PCDHAC1: variants seen among roughly 807,000 people sequenced by gnomAD.
The protein encoded by PCDHAC1 is protocadherin alpha subfamily C, 1.
Under a neutral mutation model 60.0 loss-of-function variants are expected in PCDHAC1, and 42 were observed. The observed-to-expected ratio is 0.70, with a 90% confidence interval of 0.55 to 0.90. The LOEUF (loss-of-function observed/expected upper bound fraction) is 0.90. PCDHAC1 is among the 40% of genes least tolerant of loss of function. PCDHAC1 has a pLI of 0.00. For missense variants in PCDHAC1, 1,160 were observed against 1,222.3 expected (o/e 0.95, Z 0.76); for synonymous variants, 468 against 499.3 (o/e 0.94, Z 0.84).
At chr5:140,943,624 G>C (rs2093534515) in intron 1 of PCDHAC1, among the ~76,000 whole-genome samples, 2 of 152,106 alleles carry the variant, frequency 1.3e-5, no homozygotes, top group African/African-American at 4.8e-5. Context: ...ATCTGCATAA[G>C]GAAGCTGGAT....
intron 1 of PCDHAC1, among the ~76,000 whole-genome samples, chr5:140,961,052 G>A (rs942442138): frequency 7.9e-5 from 12 of 152,272 alleles, no homozygotes; most frequent in African/African-American, 2.9e-4. Flanking sequence ...TTAACAAAAT[G>A]TTGAATGGGA....
chr5:140,961,222 T>C (rs1335870319), intron 1 of PCDHAC1, among the ~76,000 whole-genome samples: 1 of 152,118 alleles, frequency 6.6e-6, no homozygotes, highest in East Asian at 1.9e-4. Flanking sequence ...AGAAACTGGG[T>C]CCCAAAAAGG....
At chr5:140,967,464 G>T (rs781900904) in intron 1 of PCDHAC1, 1 of 1,613,504 alleles carries the variant, frequency 6.2e-7, no homozygotes, top group Non-Finnish European at 8.5e-7. Context: ...GTGGATGGGG[G>T]CATCCCAGCC....
chr5:141,000,395 C>CTCTATA (rs1213762225), intron 3 of PCDHAC1, among the ~76,000 whole-genome samples: 3 of 53,980 alleles, frequency 5.6e-5, no homozygotes, highest in East Asian at 6.1e-4. Flanking sequence ...CTCTCTCTCT[C>CTCTATA]TATATATATA....
chr5:140,977,247 A>G (rs528974727), intron 1 of PCDHAC1, among the ~76,000 whole-genome samples: 1 of 152,336 alleles, frequency 6.6e-6, no homozygotes, highest in African/African-American at 2.4e-5. Context: ...AATTGGCAAC[A>G]TTTCTCAGCA....
At chr5:140,983,461 A>G (rs1291305158) in intron 3 of PCDHAC1, among the ~76,000 whole-genome samples, 1 of 152,238 alleles carries the variant, frequency 6.6e-6, no homozygotes, top group Non-Finnish European at 1.5e-5. Flanking sequence ...TTAATAGAAC[A>G]TCATGATGAT....
intron 1 of PCDHAC1, among the ~76,000 whole-genome samples, chr5:140,953,598 T>C (rs1189793307): frequency 2.6e-5 from 4 of 152,188 alleles, no homozygotes; most frequent in South Asian, 2.1e-4. Context: ...CTTTTGTTTA[T>C]TCCCCAGAGT....
Position 140,926,327 on chromosome 5 carries a change from A to AGAGCGCCGGGACCC in PCDHAC1, c.-563_-550dup, listed in dbSNP as rs1363803647. ...TCCGCCGGAGAGGTGCGCCGGGGTC[A>AGAGCGCCGGGACCC]GAGCGCCGGGACCCGACGCGCGGCT... On this transcript the variant is annotated 5_prime_UTR_variant, in exon 1 of 4. Transcript: ENST00000253807. The AGAGCGCCGGGACCC allele has an allele frequency of 6.6e-6, 1 of 152,258 alleles. No homozygotes were observed. The highest frequency in any genetic ancestry group is 2.4e-5 in the African/African-American group (1 of 41,454). 9.4% of individuals were successfully genotyped at this position (152,258 alleles called of 1,614,324 possible).
At chr5:140,932,525 A>G (rs2088383031) in intron 1 of PCDHAC1, among the ~76,000 whole-genome samples, 1 of 151,898 alleles carries the variant, frequency 6.6e-6, no homozygotes, top group Non-Finnish European at 1.5e-5. Flanking sequence ...TGTTTGTGGC[A>G]TTCAAGGTGC....
intron 1 of PCDHAC1, among the ~76,000 whole-genome samples, chr5:140,932,585 T>C (rs1275216145): frequency 6.6e-6 from 1 of 151,944 alleles, no homozygotes; most frequent in Non-Finnish European, 1.5e-5. Flanking sequence ...GGTAATTAGA[T>C]GTTTTGTATA....
chr5:140,960,875 A>G (rs2095577090), intron 1 of PCDHAC1, among the ~76,000 whole-genome samples: 1 of 152,220 alleles, frequency 6.6e-6, no homozygotes, highest in African/African-American at 2.4e-5. Context: ...TAGCTGAAAT[A>G]CACACTAATG....
At chr5:140,974,815 A>G (rs990559310) in intron 1 of PCDHAC1, among the ~76,000 whole-genome samples, 3 of 152,188 alleles carry the variant, frequency 2.0e-5, no homozygotes, top group Non-Finnish European at 4.4e-5. Context: ...GAAGACCAAT[A>G]TGCAACATAA....
At chr5:140,959,281 G>T (rs1395135880) in intron 1 of PCDHAC1, among the ~76,000 whole-genome samples, 2 of 152,044 alleles carry the variant, frequency 1.3e-5, no homozygotes, top group Admixed American at 1.3e-4. Context: ...GGAGCCTGAG[G>T]TGGGAGCATC....
chr5:140,941,191 T>TTTTTTTC lies in PCDHAC1; in HGVS notation c.2433+11869_2433+11870insTTTCTTT, dbSNP rs1554213809. ...CATCTTGAACATCCTGCTTCTTTTT[T>TTTTTTTC]TTTCTTTCTTCCTTTCTTTCTTCCT... is the stretch of plus-strand genomic sequence containing the variant. On this transcript the variant is annotated intron_variant, in intron 1 of 3. Coordinates refer to ENST00000253807, the MANE Select transcript of PCDHAC1 (RefSeq NM_018898.5). Among the ~76,000 whole-genome samples, 30 of 93,254 alleles carry TTTTTTTC rather than the reference T, an allele frequency of 3.2e-4. 1 individual carries two copies. Among genetic ancestry groups the TTTTTTTC allele is most frequent in the Admixed American group, 1.8e-3 (15 of 8,146 alleles). The allele number at this position is 93,254 out of a possible 152,430, so 61.2% of individuals were successfully genotyped here.
intron 1 of PCDHAC1, among the ~76,000 whole-genome samples, chr5:140,970,367 TA>T (rs1554232416): frequency 6.6e-6 from 1 of 152,216 alleles, no homozygotes; most frequent in Non-Finnish European, 1.5e-5. Flanking sequence ...TGATTTGCTA[TA>T]GCTTCAAAAG....
chr5:140,929,070 G>A lies in PCDHAC1; in HGVS notation c.2178G>A (p.Arg726=), dbSNP rs2085795989. 2.5e-6 allele frequency: 4 copies of A among 1,614,200 alleles called. No homozygotes were observed. The African/African-American group carries it at 5.3e-5, about 22-fold the overall frequency. ...QSCCRSTEDL[R]YGSKMVSNPC... is the part of the protein sequence containing the mutation. ...GCTGTCGCTCTACAGAGGATCTGAG[G>A]TATGGAAGTAAGATGGTTTCAAATC... The change falls in exon 1 of 4, where the codon AGG becomes AGA. Residue 726 remains arginine (R), a synonymous_variant. Coordinates refer to ENST00000253807, the MANE Select transcript of PCDHAC1 (RefSeq NM_018898.5).
intron 1 of PCDHAC1, among the ~76,000 whole-genome samples, chr5:140,971,134 G>A (rs1387380195): frequency 6.6e-6 from 1 of 152,170 alleles, no homozygotes; most frequent in African/African-American, 2.4e-5. Context: ...GTGGTGAAGA[G>A]GCATGAACAA....
intron 1 of PCDHAC1, chr5:140,968,722 T>A (rs1379540261): frequency 6.2e-7 from 1 of 1,613,728 alleles, no homozygotes; most frequent in Non-Finnish European, 8.5e-7. Context: ...GAGATGAGAG[T>A]GGTAGCACTT....
chr5:140,948,016 C>CTTTTT (rs72028473), intron 1 of PCDHAC1, among the ~76,000 whole-genome samples: 13 of 30,044 alleles, frequency 4.3e-4, no homozygotes, highest in Non-Finnish European at 6.9e-4. Context: ...AGGAAGTACC[C>CTTTTT]TTTCTGGTTT....
Sources: gnomAD v4.1 joint callset for allele counts (sites outside exome capture counted in the v4.1 genomes callset) on GRCh38, gnomAD v4.1.1 for gene constraint, MANE v1.5 for transcripts, NCBI Gene and HGNC (gene_info 2026-07-23, HGNC 2026-07-21) for gene names.